ZFPM2: variants seen among roughly 807,000 people sequenced by gnomAD.
ZFPM2 encodes the protein zinc finger protein ZFPM2.
In ZFPM2, 20 loss-of-function variants were observed where a neutral mutation model predicts 98.6. That is an observed-to-expected ratio of 0.20 (90% confidence interval 0.14 to 0.29). The LOEUF (loss-of-function observed/expected upper bound fraction) is 0.29, where lower values mean the gene tolerates loss of function less well. Ranked by LOEUF, ZFPM2 falls within the 10% of genes least tolerant of loss-of-function variation. ZFPM2 has a pLI of 1.00. For synonymous variants in ZFPM2, 518 were observed against 502.7 expected (o/e 1.03, Z -0.41); for missense variants, 1,310 against 1,388.6 (o/e 0.94, Z 0.90).
At chr8:105,542,572 A>G (rs1378031987) in intron 3 of ZFPM2, among the ~76,000 whole-genome samples, 1 of 152,118 alleles carries the variant, frequency 6.6e-6, no homozygotes, top group Non-Finnish European at 1.5e-5. Context: ...CCAAATGTGG[A>G]CTGAAAATAC....
At chr8:105,393,330 C>CTGTCTG (rs1245789213) in intron 1 of ZFPM2, among the ~76,000 whole-genome samples, 31,196 of 131,534 alleles carry the variant, frequency 0.24, 4,033 homozygotes, top group Admixed American at 0.33. Context: ...CCCTCTCTCT[C>CTGTCTG]TCTTTGCCTT....
chr8:105,465,721 A>G (rs989096457), intron 3 of ZFPM2, among the ~76,000 whole-genome samples: 64 of 152,108 alleles, frequency 4.2e-4, no homozygotes, highest in African/African-American at 1.4e-3. Flanking sequence ...CTGCTATTTC[A>G]GTAAGGTGCC....
chr8:105,586,002 G>GGGGT (rs1554619466), intron 4 of ZFPM2, among the ~76,000 whole-genome samples: 2 of 142,734 alleles, frequency 1.4e-5, no homozygotes, highest in African/African-American at 2.7e-5. Flanking sequence ...GGGGGGAAGG[G>GGGGT]GTGTGTGTGT....
chr8:105,540,560 A>G (rs1292740046), intron 3 of ZFPM2, among the ~76,000 whole-genome samples: 2 of 152,120 alleles, frequency 1.3e-5, no homozygotes, highest in Admixed American at 6.6e-5. Flanking sequence ...GAAATGAAAC[A>G]TACTTTCTCT....
chr8:105,647,200 A>C (rs1360681020), intron 5 of ZFPM2, among the ~76,000 whole-genome samples: 1 of 152,130 alleles, frequency 6.6e-6, no homozygotes, highest in Non-Finnish European at 1.5e-5. Flanking sequence ...TCAATTTTCT[A>C]GATTCCAATA....
At chr8:105,785,885 A>G (rs1813400278) in intron 5 of ZFPM2, among the ~76,000 whole-genome samples, 1 of 151,994 alleles carries the variant, frequency 6.6e-6, no homozygotes, top group Non-Finnish European at 1.5e-5. Flanking sequence ...TACTAAAAAT[A>G]CAAAAAATTA....
intron 4 of ZFPM2, among the ~76,000 whole-genome samples, chr8:105,606,226 C>G (rs1816193891): frequency 6.6e-6 from 1 of 152,064 alleles, no homozygotes; most frequent in Non-Finnish European, 1.5e-5. Flanking sequence ...ATGTTTGCCT[C>G]TAAATATTAT....
At chr8:105,666,288 C>A (rs1349474975) in intron 5 of ZFPM2, among the ~76,000 whole-genome samples, 1 of 152,088 alleles carries the variant, frequency 6.6e-6, no homozygotes, top group Non-Finnish European at 1.5e-5. Flanking sequence ...CTGATATAAT[C>A]AAGAAAGTAC....
intron 1 of ZFPM2, among the ~76,000 whole-genome samples, chr8:105,330,637 T>C (rs1443084850): frequency 2.5e-5 from 3 of 119,480 alleles, no homozygotes; most frequent in African/African-American, 5.7e-5. Flanking sequence ...TATATACATA[T>C]ATATATATAT....
At chr8:105,459,971 G>T (rs1365445914) in intron 3 of ZFPM2, among the ~76,000 whole-genome samples, 1 of 152,064 alleles carries the variant, frequency 6.6e-6, no homozygotes, top group Non-Finnish European at 1.5e-5. Flanking sequence ...AGGGCCTTTG[G>T]GTTTAAGAGA....
At chr8:105,570,220 A>G (rs1815325812) in intron 4 of ZFPM2, among the ~76,000 whole-genome samples, 1 of 152,176 alleles carries the variant, frequency 6.6e-6, no homozygotes. Context: ...ACTTGAAGGC[A>G]AGAAATGTAA....
At chr8:105,583,713 A>T (rs1232507480) in intron 4 of ZFPM2, among the ~76,000 whole-genome samples, 1 of 152,178 alleles carries the variant, frequency 6.6e-6, no homozygotes, top group Non-Finnish European at 1.5e-5. Flanking sequence ...CTTTTGATGA[A>T]AGGTGGCCTC....
intron 2 of ZFPM2, among the ~76,000 whole-genome samples, chr8:105,420,409 T>C (rs563295796): frequency 7.9e-5 from 12 of 152,244 alleles, no homozygotes; most frequent in African/African-American, 2.6e-4. Flanking sequence ...AAACAAAAGA[T>C]GTCAGTCAGC....
In ZFPM2 at chr8:105,721,547, A is replaced by G. The variant is rs759434335; in HGVS notation, c.533-67171A>G. Among the ~76,000 whole-genome samples the G allele has an allele frequency of 2.9e-3, 442 of 151,988 alleles. 1 individual carries two copies. The highest frequency in any genetic ancestry group is 4.4e-3 in the Non-Finnish European group (297 of 67,950). ...AAAAGTAATATATGTTCATTGGAGC[A>G]ATTTGAAAATAGGAAAAAGTATAAA... is the stretch of plus-strand genomic sequence containing the variant. On this transcript the variant is annotated intron_variant, in intron 5 of 7. Coordinates refer to ENST00000407775, the MANE Select transcript of ZFPM2 (RefSeq NM_012082.4).
At chr8:105,371,428 T>C (rs1810619977) in intron 1 of ZFPM2, among the ~76,000 whole-genome samples, 2 of 152,170 alleles carry the variant, frequency 1.3e-5, no homozygotes, top group Non-Finnish European at 2.9e-5. Context: ...ATAGTTACAT[T>C]GTCAGCATCC....
At chr8:105,521,966 C>T (rs991868488) in intron 3 of ZFPM2, among the ~76,000 whole-genome samples, 2 of 152,118 alleles carry the variant, frequency 1.3e-5, no homozygotes, top group African/African-American at 4.8e-5. Context: ...ATAATTAGGT[C>T]ACTAGGTTAT....
At chr8:105,587,339 C>T (rs551643386) in intron 4 of ZFPM2, among the ~76,000 whole-genome samples, 25 of 147,494 alleles carry the variant, frequency 1.7e-4, no homozygotes, top group Non-Finnish European at 2.5e-4. Flanking sequence ...GATACCTATA[C>T]GGAATAAAAG....
At chr8:105,624,491 T>C (rs1816614037) in intron 4 of ZFPM2, among the ~76,000 whole-genome samples, 1 of 152,174 alleles carries the variant, frequency 6.6e-6, no homozygotes, top group Admixed American at 6.5e-5. Flanking sequence ...GTCTATTCTT[T>C]CTGGAAAATG....
Position 105,803,775 on chromosome 8 carries a change from A to T in ZFPM2, c.*237A>T. On this transcript the variant is annotated 3_prime_UTR_variant, in exon 8 of 8. Transcript: ENST00000407775. ...CAGTATTCATAGCTGTGGTTATGTT[A>T]TTTTTTATTTAAAAACTTTATATTA... 2.2e-6 allele frequency: 1 copy of T among 447,328 alleles called. No individual in the cohort carries two copies. The highest frequency in any genetic ancestry group is 4.0e-6 in the Non-Finnish European group (1 of 252,540). 27.7% of individuals were successfully genotyped at this position (447,328 alleles called of 1,614,324 possible). A position where few individuals can be genotyped will look rare whatever the true frequency, so the allele number is the denominator to read the frequency against.
Sources: allele counts gnomAD v4.1 joint callset (sites outside exome capture counted in the v4.1 genomes callset), GRCh38; gene constraint gnomAD v4.1.1; transcripts MANE v1.5; gene names NCBI Gene and HGNC (gene_info 2026-07-23, HGNC 2026-07-21).